The following ALPK3 variants were observed in gnomAD, a reference collection of about 807,000 sequenced individuals.
ALPK3 encodes the protein alpha-protein kinase 3.
A neutral mutation model predicts 140.0 loss-of-function variants in ALPK3; 102 were observed. The observed-to-expected ratio is 0.73, with a 90% CI of 0.62 to 0.86. The LOEUF is 0.86. Ranked by LOEUF, ALPK3 falls within the 40% of genes least tolerant of loss-of-function variation. The pLI is 0.00. For synonymous variants in ALPK3, 938 were observed against 898.5 expected, an observed-to-expected ratio of 1.04 and a Z score of -0.79; for missense variants, 2,254 against 2,208.2, an observed-to-expected ratio of 1.02 and a Z score of -0.42.
intron 5 of ALPK3, among the ~76,000 whole-genome samples, chr15:84,844,189 C>T (rs1222963473): frequency 6.6e-6 from 1 of 152,142 alleles, no homozygotes; most frequent in African/African-American, 2.4e-5. Flanking sequence ...GATTGCACCA[C>T]TGCACTCCAG....
chr15:84,863,831 A>G (rs1963975384), intron 11 of ALPK3, among the ~76,000 whole-genome samples, 191 bp downstream of exon 11: 1 of 152,220 alleles, frequency 6.6e-6, no homozygotes, highest in African/African-American at 2.4e-5. Flanking sequence ...TCCACTTGAG[A>G]AAAGCCTCTG....
chr15:84,849,028 G>C (rs1963767857), intron 5 of ALPK3, among the ~76,000 whole-genome samples: 1 of 152,086 alleles, frequency 6.6e-6, no homozygotes, highest in South Asian at 2.1e-4. Context: ...TGTAATCCCA[G>C]CTACTTGGGA....
In ALPK3 at chr15:84,840,811, A is replaced by C. The variant is rs1963655013; in HGVS notation, c.1532A>C (p.Gln511Pro). Residue 511 changes from glutamine to proline, a missense_variant, in exon 5 of 14, where the codon CAG (glutamine) becomes CCG (proline). By Grantham distance (76) the Gln-to-Pro change is moderately conservative. Coordinates refer to ENST00000258888, the MANE Select transcript of ALPK3 (RefSeq NM_020778.5). ...AGTCAAGCTCCAGAATGCGGGGCCC[A>C]GAGCTTAGGAAAGGCCCCACCTCAG... The part of the protein sequence containing the change: ...SLSQAPECGA[Q>P]SLGKAPPQAS... 1 of 1,614,078 alleles carries C rather than the reference A, an allele frequency of 6.2e-7. No homozygotes were observed. The highest frequency in any genetic ancestry group is 1.7e-5 in the Admixed American group (1 of 60,000).
rs1324966625 is a variant in ALPK3, at chr15:84,859,910, G to A, written c.4093+7G>A. 3.1e-6 allele frequency: 5 copies of A among 1,613,948 alleles called. No homozygotes were observed. The highest frequency in any genetic ancestry group is 4.2e-6 in the Non-Finnish European group (5 of 1,180,008). Reference sequence around the variant, plus strand: ...TTCTGCCTCAGCCCTGAGGGTGAGTGTGCCCCGCGGCCCGGGGTCTCAGCC... The same window carrying A: ...TTCTGCCTCAGCCCTGAGGGTGAGTATGCCCCGCGGCCCGGGGTCTCAGCC... On this transcript the variant is annotated splice_region_variant and intron_variant, in intron 8 of 13. Coordinates refer to ENST00000258888, the MANE Select transcript of ALPK3 (RefSeq NM_020778.5).
At chr15:84,837,999 A>G (rs1231418077) in intron 3 of ALPK3, among the ~76,000 whole-genome samples, 1 of 152,222 alleles carries the variant, frequency 6.6e-6, no homozygotes, top group African/African-American at 2.4e-5. Context: ...CACTATGGCC[A>G]GAGAGGTAAG....
chr15:84,858,988 T>C (rs773465202), intron 6 of ALPK3, among the ~76,000 whole-genome samples: 2 of 152,122 alleles, frequency 1.3e-5, no homozygotes, highest in African/African-American at 2.4e-5. Context: ...GCTGTCTGCG[T>C]CCTCAGCTGG....
Position 84,857,417 on chromosome 15 carries a change from C to A in ALPK3, c.2679C>A (p.Ser893Arg), listed in dbSNP as rs767812404. 1.9e-6 allele frequency: 3 copies of A among 1,614,086 alleles called. No individual in the cohort carries two copies. The Admixed American group carries it at 5.0e-5, about 27-fold the overall frequency. The part of the protein sequence containing the change: ...PCSTPTSQHG[S>R]TATFLPSEDQ... ...GCACCCCGACTTCTCAGCACGGGAGCACAGCCACCTTCCTGCCCTCTGAGG... is the reference window on the plus strand; with the variant it reads ...GCACCCCGACTTCTCAGCACGGGAGAACAGCCACCTTCCTGCCCTCTGAGG... The change falls in exon 6 of 14, where the codon AGC (serine) becomes AGA (arginine). Residue 893 changes from serine to arginine, a missense_variant. Physicochemically the swap from Ser to Arg is moderately radical, Grantham distance 110. This residue lies in a region of ALPK3 where 2,088 missense variants were observed against 2,022.9 expected (regional missense o/e 1.03). Coordinates refer to ENST00000258888, the MANE Select transcript of ALPK3 (RefSeq NM_020778.5).
chr15:84,840,509 A>G lies in ALPK3; in HGVS notation c.1230A>G (p.Glu410=). ...CCCCTGGCCCAGGCCCAGGCCAGGAAGTGTATTTCTCCTTGAAGGACATGT... is the reference window on the plus strand; with the variant it reads ...CCCCTGGCCCAGGCCCAGGCCAGGAGGTGTATTTCTCCTTGAAGGACATGT... The part of the protein sequence containing the change: ...QKAPGPGPGQ[E]VYFSLKDMYL... Residue 410 remains glutamate (E), a synonymous_variant, in exon 5 of 14, where the codon GAA becomes GAG. Coordinates refer to ENST00000258888, the MANE Select transcript of ALPK3 (RefSeq NM_020778.5). 1 of 1,611,544 alleles carries G rather than the reference A, an allele frequency of 6.2e-7. No homozygotes were observed. Among genetic ancestry groups the G allele is most frequent in the African/African-American group, 1.3e-5 (1 of 74,906 alleles).
chr15:84,834,946 T>C (rs1029364313), intron 3 of ALPK3, among the ~76,000 whole-genome samples: 2 of 152,276 alleles, frequency 1.3e-5, no homozygotes, highest in Non-Finnish European at 2.9e-5. Context: ...CCAAAGCTCA[T>C]TGTGGCTATG....
intron 5 of ALPK3, among the ~76,000 whole-genome samples, chr15:84,841,259 G>C (rs553527575): frequency 6.6e-5 from 10 of 152,338 alleles, no homozygotes; most frequent in African/African-American, 2.2e-4. Context: ...CTTTCTGTGG[G>C]CTTTGCTGAG....
At chr15:84,822,932 C>T (rs1963443195) in intron 1 of ALPK3, among the ~76,000 whole-genome samples, 1 of 152,274 alleles carries the variant, frequency 6.6e-6, no homozygotes, top group Non-Finnish European at 1.5e-5. Flanking sequence ...GGGCTCTTTT[C>T]TCCCAAAGGC....
intron 3 of ALPK3, among the ~76,000 whole-genome samples, chr15:84,835,745 G>A (rs1963591457): frequency 6.6e-6 from 1 of 152,192 alleles, no homozygotes; most frequent in Non-Finnish European, 1.5e-5. Context: ...CACCCTCCAA[G>A]TTGAGTTCAG....
chr15:84,834,861 G>A (rs1239140754), intron 3 of ALPK3, among the ~76,000 whole-genome samples: 1 of 152,260 alleles, frequency 6.6e-6, no homozygotes. Flanking sequence ...GAGCCCTCCT[G>A]CTTTTATGCA....
intron 3 of ALPK3, among the ~76,000 whole-genome samples, chr15:84,833,771 A>T (rs1480944550): frequency 6.6e-6 from 1 of 152,184 alleles, no homozygotes; most frequent in East Asian, 1.9e-4. Context: ...CAGAGAAGAC[A>T]GGCAAGGCCC....
rs1278502516 is a variant in ALPK3, at chr15:84,857,903, T to A, written c.3165T>A (p.Leu1055=). 1 of 1,612,058 alleles carries A rather than the reference T, an allele frequency of 6.2e-7. No individual in the cohort carries two copies. The change falls in exon 6 of 14, where the codon CTT becomes CTA. Residue 1055 remains leucine, a synonymous_variant. Coordinates refer to ENST00000258888, the MANE Select transcript of ALPK3 (RefSeq NM_020778.5). ...DREVQAGRQA[L]AAARGSWGPG... The stretch of plus-strand genomic sequence containing the variant: ...AGGTGCAGGCTGGCCGCCAGGCCCT[T>A]GCTGCTGCCCGAGGCTCCTGGGGTC...
intron 5 of ALPK3, among the ~76,000 whole-genome samples, chr15:84,842,313 C>T (rs1183774265): frequency 6.6e-6 from 1 of 152,244 alleles, no homozygotes; most frequent in Non-Finnish European, 1.5e-5. Context: ...GGATTACAGG[C>T]GTGAGCCGCC....
At position 84,858,380 on chromosome 15, in the gene ALPK3, C is replaced by A. The variant is rs774275671; in HGVS notation, c.3642C>A (p.Ser1214=). ...SPGTPGRERR[S]PTQGRKASML... is the part of the protein sequence containing the mutation. Reference sequence around the variant, plus strand: ...GGACTCCAGGGCGGGAGAGACGCTCCCCTACGCAGGGCAGAAAGGCGAGCA... The same window carrying A: ...GGACTCCAGGGCGGGAGAGACGCTCACCTACGCAGGGCAGAAAGGCGAGCA... The change falls in exon 6 of 14, where the codon TCC becomes TCA. Residue 1214 remains serine (S), a synonymous_variant. Coordinates refer to ENST00000258888, the MANE Select transcript of ALPK3 (RefSeq NM_020778.5). 35 of 1,554,032 alleles carry A rather than the reference C, an allele frequency of 2.3e-5. No individual in the cohort carries two copies. The African/African-American group carries it at 4.4e-4, about 19-fold the overall frequency.
chr15:84,861,564 G>C (rs1963945961), intron 9 of ALPK3, among the ~76,000 whole-genome samples: 1 of 152,034 alleles, frequency 6.6e-6, no homozygotes, highest in Non-Finnish European at 1.5e-5. Context: ...GTTATCTAGG[G>C]GTTTTGGCAG....
rs776279256 is a variant in ALPK3, at chr15:84,840,103, C to A, written c.824C>A (p.Thr275Asn). The A allele has an allele frequency of 1.2e-6, 2 of 1,614,048 alleles. No individual in the cohort carries two copies. Among genetic ancestry groups the A allele is most frequent in the South Asian group, 1.1e-5 (1 of 91,054 alleles). The change falls in exon 5 of 14, where the codon ACC (threonine) becomes AAC (asparagine). Residue 275 changes from threonine (T) to asparagine (N), a missense_variant. Coordinates refer to ENST00000258888, the MANE Select transcript of ALPK3 (RefSeq NM_020778.5). The stretch of plus-strand genomic sequence containing the variant: ...AACAGTTTTGCTTCTGGAGAAGTGA[C>A]CACCAACGGGGAGGCTGCCCCCGAG... ...LINSFASGEV[T>N]TNGEAAPENG...
Sources: gnomAD v4.1 joint callset for allele counts (sites outside exome capture counted in the v4.1 genomes callset) on GRCh38, gnomAD v4.1.1 for gene constraint, gnomAD v4.1.1 regional missense constraint, MANE v1.5 for transcripts, NCBI Gene and HGNC (gene_info 2026-07-23, HGNC 2026-07-21) for gene names.